ALCAM: variants seen among roughly 807,000 people sequenced by gnomAD.
ALCAM encodes activated leukocyte cell adhesion molecule.
A neutral mutation model predicts 70.9 loss-of-function variants in ALCAM; 30 were observed. The observed-to-expected ratio is 0.42, with a 90% CI of 0.32 to 0.57. The LOEUF is 0.57. ALCAM is among the 20% of genes least tolerant of loss of function. The pLI is 0.11. For missense variants in ALCAM, 591 were observed against 695.1 expected, an observed-to-expected ratio of 0.85 and a Z score of 1.68; for synonymous variants, 249 against 242.5, an observed-to-expected ratio of 1.03 and a Z score of -0.25.
intron 1 of ALCAM, among the ~76,000 whole-genome samples, chr3:105,368,918 C>G (rs1935153043): frequency 6.6e-6 from 1 of 152,270 alleles, no homozygotes; most frequent in African/African-American, 2.4e-5. Context: ...ACTGTGAAAC[C>G]ATAGTTCAAC....
chr3:105,499,722 A>G (rs894955136), intron 1 of ALCAM, among the ~76,000 whole-genome samples: 1 of 152,210 alleles, frequency 6.6e-6, no homozygotes, highest in African/African-American at 2.4e-5. Flanking sequence ...AAACATTAGC[A>G]GGGATGGCAA....
intron 1 of ALCAM, among the ~76,000 whole-genome samples, chr3:105,410,507 TACTC>T (rs778449799): frequency 1.3e-5 from 2 of 152,020 alleles, no homozygotes; most frequent in African/African-American, 4.8e-5. Context: ...ACTACATAAA[TACTC>T]AAACATATAC....
chr3:105,370,560 CAG>C (rs1367687276), intron 1 of ALCAM, among the ~76,000 whole-genome samples: 5 of 152,074 alleles, frequency 3.3e-5, no homozygotes, highest in African/African-American at 1.2e-4. Flanking sequence ...TTTAGGCAGG[CAG>C]AGTCATTTTT....
intron 1 of ALCAM, among the ~76,000 whole-genome samples, chr3:105,430,332 C>G (rs1936898703): frequency 6.6e-6 from 1 of 151,850 alleles, no homozygotes; most frequent in Non-Finnish European, 1.5e-5. Flanking sequence ...TTACATACCA[C>G]TTTATGTTTA....
intron 1 of ALCAM, among the ~76,000 whole-genome samples, chr3:105,379,913 CATA>C (rs1441691513): frequency 4.0e-5 from 6 of 151,702 alleles, no homozygotes; most frequent in African/African-American, 1.5e-4. Flanking sequence ...GTACCTTTTG[CATA>C]ATAACTCACT....
chr3:105,430,489 T>A (rs902972841), intron 1 of ALCAM, among the ~76,000 whole-genome samples: 1 of 152,082 alleles, frequency 6.6e-6, no homozygotes, highest in African/African-American at 2.4e-5. Context: ...CTTATGATAA[T>A]ATTGGGATAA....
intron 14 of ALCAM, chr3:105,553,042 A>G: frequency 1.0e-6 from 1 of 998,712 alleles, no homozygotes; most frequent in Non-Finnish European, 1.2e-6. Flanking sequence ...TTACTCCCAT[A>G]TTCTAGTTAG....
intron 1 of ALCAM, among the ~76,000 whole-genome samples, chr3:105,459,252 C>T (rs1937572865): frequency 6.6e-6 from 1 of 152,076 alleles, no homozygotes; most frequent in South Asian, 2.1e-4. Context: ...GACTCATCTC[C>T]TCTGTAAAGA....
intron 1 of ALCAM, among the ~76,000 whole-genome samples, chr3:105,446,844 C>G (rs1331553801): frequency 6.6e-6 from 1 of 152,050 alleles, no homozygotes; most frequent in Non-Finnish European, 1.5e-5. Context: ...TAGTGGCTCC[C>G]AGATCTGGAA....
intron 1 of ALCAM, among the ~76,000 whole-genome samples, chr3:105,450,915 A>G (rs1017879068): frequency 3.3e-5 from 5 of 152,188 alleles, no homozygotes; most frequent in Non-Finnish European, 5.9e-5. Flanking sequence ...AACTTCGTTC[A>G]GAAGAATGAC....
intron 1 of ALCAM, among the ~76,000 whole-genome samples, chr3:105,496,851 T>TGTGC: frequency 6.6e-6 from 1 of 151,686 alleles, no homozygotes; most frequent in South Asian, 2.1e-4. Context: ...TGTGTGTGTG[T>TGTGC]GTGTGCATGC....
chr3:105,450,980 A>G (rs982342532), intron 1 of ALCAM, among the ~76,000 whole-genome samples: 5 of 152,206 alleles, frequency 3.3e-5, no homozygotes, highest in African/African-American at 1.2e-4. Flanking sequence ...AGGATGGGGA[A>G]GAGAAAAAGT....
chr3:105,421,961 A>G (rs1483904268), intron 1 of ALCAM, among the ~76,000 whole-genome samples: 1 of 151,242 alleles, frequency 6.6e-6, no homozygotes, highest in Non-Finnish European at 1.5e-5. Flanking sequence ...TATTGTACCC[A>G]ATATGTAGTT....
chr3:105,515,949 G>A (rs1247040724), intron 1 of ALCAM, among the ~76,000 whole-genome samples: 1 of 151,974 alleles, frequency 6.6e-6, no homozygotes, highest in Non-Finnish European at 1.5e-5. Context: ...TGTGAAACCG[G>A]CATTTAGTTC....
rs1160583803 is a variant in ALCAM at position 105,376,730 on chromosome 3, C to T, written c.73+9249C>T. 4.6e-5 allele frequency among the ~76,000 whole-genome samples: 7 copies of T among 152,212 alleles called. No homozygotes were observed. In the South Asian group the frequency reaches 1.2e-3, roughly 27 times the overall value. ...GATCTAGTCTGGGATTTAAGAGAAA[C>T]TCAGAAAACGTCTAGCAGGAAGTGA... On this transcript the variant is annotated intron_variant, in intron 1 of 15. Coordinates refer to ENST00000306107, the MANE Select transcript of ALCAM (RefSeq NM_001627.4).
At chr3:105,424,916 G>T (rs1936751727) in intron 1 of ALCAM, among the ~76,000 whole-genome samples, 1 of 151,728 alleles carries the variant, frequency 6.6e-6, no homozygotes, top group South Asian at 2.1e-4. Context: ...AAATCAAAAT[G>T]GAATACATGC....
chr3:105,470,584 T>A (rs1937898885), intron 1 of ALCAM, among the ~76,000 whole-genome samples: 1 of 151,264 alleles, frequency 6.6e-6, no homozygotes, highest in Admixed American at 6.6e-5. Flanking sequence ...CTATCATTCA[T>A]CAGCATTTTG....
intron 1 of ALCAM, among the ~76,000 whole-genome samples, chr3:105,436,125 A>G (rs1486633086): frequency 6.6e-6 from 1 of 152,170 alleles, no homozygotes; most frequent in African/African-American, 2.4e-5. Context: ...ACCTGCCCCC[A>G]TGATTCAATC....
chr3:105,521,006 A>C (rs1051090782), intron 2 of ALCAM, among the ~76,000 whole-genome samples: 1 of 152,218 alleles, frequency 6.6e-6, no homozygotes, highest in Non-Finnish European at 1.5e-5. Flanking sequence ...AATACTTTAC[A>C]AAAAGTTTAT....
Sources: allele counts gnomAD v4.1 joint callset (sites outside exome capture counted in the v4.1 genomes callset), GRCh38; gene constraint gnomAD v4.1.1; transcripts MANE v1.5; gene names NCBI Gene and HGNC (gene_info 2026-07-23, HGNC 2026-07-21).